Variants in UBR1 observed in about 807,000 individuals in gnomAD.
The protein encoded by UBR1 is ubiquitin protein ligase E3 component n-recognin 1, also known as E3 ubiquitin-protein ligase UBR1.
UBR1 carries 102 observed loss-of-function variants against 242.1 expected under a neutral mutation model. The ratio of observed to expected loss-of-function variants is 0.42; its 90% CI spans 0.36 to 0.50. UBR1 has a LOEUF of 0.50. UBR1 is among the 20% of genes least tolerant of loss of function. The probability of loss-of-function intolerance (pLI) is 0.01; values close to 1 mark genes in which losing one functional copy is unlikely to be tolerated. For missense variants in UBR1, 1,772 were observed against 2,101.8 expected, an observed-to-expected ratio of 0.84 and a Z score of 3.07; for synonymous variants, 675 against 684.8, an observed-to-expected ratio of 0.99 and a Z score of 0.22.
At chr15:43,050,551 A>G (rs1346595624) in intron 12 of UBR1, among the ~76,000 whole-genome samples, 2 of 152,042 alleles carry the variant, frequency 1.3e-5, no homozygotes, top group Admixed American at 1.3e-4. Flanking sequence ...CTCCACTAAA[A>G]TATCTCCACT....
rs1350491319 is a variant in UBR1, at chr15:43,068,052, CAT to C, written c.660-18_660-17del. On this transcript the variant is annotated splice_polypyrimidine_tract_variant and intron_variant, in intron 5 of 46. Transcript: ENST00000290650. ...ATTTTTCTCCCTGTTAGAAAAAAAA[CAT>C]ATATATTTGGATACTACAACAAATA... 11 of 971,718 alleles carry C rather than the reference CAT, an allele frequency of 1.1e-5. No homozygotes were observed. The highest frequency in any genetic ancestry group is 3.5e-5 in the East Asian group (1 of 28,920). 60.2% of individuals were successfully genotyped at this position (971,718 alleles called of 1,614,324 possible).
At chr15:42,973,981 C>T (rs967868029) in intron 39 of UBR1, among the ~76,000 whole-genome samples, 55 of 151,412 alleles carry the variant, frequency 3.6e-4, no homozygotes, top group African/African-American at 1.1e-3. Flanking sequence ...CTCCACCTCC[C>T]GGGTTCACGC....
chr15:43,054,112 G>C (rs560547818), intron 12 of UBR1, among the ~76,000 whole-genome samples: 1 of 152,142 alleles, frequency 6.6e-6, no homozygotes, highest in African/African-American at 2.4e-5. Flanking sequence ...CACTATGGGA[G>C]GCCAAAGCAG....
intron 19 of UBR1, among the ~76,000 whole-genome samples, chr15:43,033,668 A>T (rs1276444900): frequency 6.6e-6 from 1 of 152,132 alleles, no homozygotes; most frequent in East Asian, 1.9e-4. Context: ...AGGAAAAAAA[A>T]ATTTATATAT....
intron 20 of UBR1, among the ~76,000 whole-genome samples, chr15:43,031,880 A>G (rs1482932325): frequency 6.6e-6 from 1 of 152,144 alleles, no homozygotes; most frequent in Non-Finnish European, 1.5e-5. Flanking sequence ...ACATATATAC[A>G]AAAATTGGCC....
intron 3 of UBR1, among the ~76,000 whole-genome samples, chr15:43,079,615 TA>T (rs35092516): frequency 6.6e-6 from 1 of 151,762 alleles, no homozygotes; most frequent in Admixed American, 6.6e-5. Flanking sequence ...CCGTCTCTAC[TA>T]AAAAATACAA....
chr15:43,043,349 A>C lies in UBR1; in HGVS notation c.1715T>G (p.Met572Arg). The C allele has an allele frequency of 6.2e-7, 1 of 1,614,140 alleles. No individual in the cohort carries two copies. The highest frequency in any genetic ancestry group is 8.5e-7 in the Non-Finnish European group (1 of 1,180,016). The change falls in exon 15 of 47, where the codon ATG becomes AGG. Residue 572 changes from methionine to arginine, a missense_variant. By Grantham distance (91) the Met-to-Arg change is moderately conservative. This residue lies in a region of UBR1 where 734 missense variants were observed against 893.3 expected (regional missense o/e 0.82). Transcript: ENST00000290650. ...VAYKECHKAV[M>R]RCSTSFISSS... ...AGATATGAAACTGGTACTGCACCTC[A>C]TCACAGCTTTGTGACATTCTTTATA...
At position 42,950,354 on chromosome 15, in the gene UBR1, TTC is replaced by T; in HGVS notation, c.5014_5015del (p.Glu1672MetfsTer7). On this transcript the variant is annotated frameshift_variant, in exon 46 of 47. Transcript: ENST00000290650. LOFTEE classifies it high-confidence loss of function. The stretch of plus-strand genomic sequence containing the variant: ...TACCTTCAACCAGGACCACTCGGCA[TTC>T]TCTGATTCTGAAAGAGAAAATCAAT... ...AGVCIFLKIR[E>X]CRVVLVEGKA... 1 of 1,614,142 alleles carries T rather than the reference TTC, an allele frequency of 6.2e-7. No individual in the cohort carries two copies. Among genetic ancestry groups the T allele is most frequent in the Non-Finnish European group, 8.5e-7 (1 of 1,179,972 alleles).
At chr15:42,999,135 T>A (rs1249920404) in intron 32 of UBR1, among the ~76,000 whole-genome samples, 1 of 152,090 alleles carries the variant, frequency 6.6e-6, no homozygotes, top group Non-Finnish European at 1.5e-5. Context: ...GAGACAAGGT[T>A]TCACCATGTT....
intron 19 of UBR1, among the ~76,000 whole-genome samples, chr15:43,035,431 A>C (rs1366342764): frequency 6.6e-6 from 1 of 152,148 alleles, no homozygotes; most frequent in African/African-American, 2.4e-5. Flanking sequence ...TCTTCTTTTG[A>C]GAAGTGTCTG....
chr15:43,015,610 C>A (rs1213589733), intron 29 of UBR1, 78 bp downstream of exon 29: 15 of 1,488,648 alleles, frequency 1.0e-5, no homozygotes, highest in Non-Finnish European at 1.4e-5. Context: ...CCAAATCCCC[C>A]TCTCGGAGAA....
intron 27 of UBR1, among the ~76,000 whole-genome samples, chr15:43,018,965 C>A (rs936940276): frequency 6.6e-6 from 1 of 152,182 alleles, no homozygotes; most frequent in Non-Finnish European, 1.5e-5. Context: ...TAGTTACCTA[C>A]TTTCGTTTGA....
intron 29 of UBR1, among the ~76,000 whole-genome samples, chr15:43,008,639 C>T (rs574938481): frequency 2.3e-4 from 35 of 152,296 alleles, no homozygotes; most frequent in Admixed American, 3.9e-4. Flanking sequence ...GCCTGGGGAC[C>T]GGTATGTCAG....
chr15:43,070,631 T>C (rs913641116), intron 5 of UBR1, among the ~76,000 whole-genome samples, 164 bp downstream of exon 5: 2 of 152,228 alleles, frequency 1.3e-5, no homozygotes. Context: ...CCTAGCAAAG[T>C]ATCTCATACA....
chr15:42,977,793 A>G lies in UBR1; in HGVS notation c.4218+87T>C, dbSNP rs114733898. ...ATAGATTAAACACAAAGAATTTATA[A>G]TCTTGAACAAAGGGCATGAATTTAA... On this transcript the variant is annotated intron_variant, in intron 38 of 46. Coordinates refer to ENST00000290650, the MANE Select transcript of UBR1 (RefSeq NM_174916.3). 1.3e-3 allele frequency: 1,532 copies of G among 1,196,824 alleles called. 24 individuals carry two copies. The African/African-American group carries it at 0.021, about 16-fold the overall frequency. 74.1% of individuals were successfully genotyped at this position (1,196,824 alleles called of 1,614,324 possible).
chr15:43,054,625 C>T (rs1680171224), intron 12 of UBR1, 117 bp downstream of exon 12: 1 of 1,144,016 alleles, frequency 8.7e-7, no homozygotes, highest in Non-Finnish European at 1.3e-6. Flanking sequence ...TTGTACTTGC[C>T]ATCATTATAA....
intron 15 of UBR1, 97 bp from the exon 16 acceptor site, chr15:43,038,329 C>G: frequency 1.6e-6 from 2 of 1,258,692 alleles, no homozygotes; most frequent in Non-Finnish European, 2.3e-6. Flanking sequence ...TTTGATTTGG[C>G]TGGGCGCGGT....
At chr15:43,096,395 T>A (rs2034161878) in intron 1 of UBR1, among the ~76,000 whole-genome samples, 1 of 152,064 alleles carries the variant, frequency 6.6e-6, no homozygotes, top group Non-Finnish European at 1.5e-5. Context: ...CTCCTGACCT[T>A]AGGCAATCCG....
At chr15:42,949,432 TAATAA>T (rs1048306232) in intron 46 of UBR1, among the ~76,000 whole-genome samples, 7 of 110,934 alleles carry the variant, frequency 6.3e-5, no homozygotes, top group African/African-American at 1.5e-4. Context: ...AGTATAATAA[TAATAA>T]AATAAAATAA....
Sources: gnomAD v4.1 joint callset for allele counts (sites outside exome capture counted in the v4.1 genomes callset) on GRCh38, gnomAD v4.1.1 for gene constraint, gnomAD v4.1.1 regional missense constraint, MANE v1.5 for transcripts, NCBI Gene and HGNC (gene_info 2026-07-23, HGNC 2026-07-21) for gene names.